Variants in AUNIP observed in about 807,000 individuals in gnomAD.
AUNIP encodes the protein aurora kinase A and ninein interacting protein, also known as aurora kinase A- and ninein-interacting protein.
A neutral mutation model predicts 12.2 loss-of-function variants in AUNIP; 16 were observed. That is an observed-to-expected ratio of 1.31 (90% CI 0.88 to 1.99). The LOEUF (loss-of-function observed/expected upper bound fraction) is 1.99. Ranked by LOEUF, AUNIP falls within the 30% of genes most tolerant of loss-of-function variation. The pLI is 0.00. For missense variants in AUNIP, 411 were observed against 419.1 expected (o/e 0.98, Z 0.17); for synonymous variants, 142 against 154.8 (o/e 0.92, Z 0.61).
intron 1 of AUNIP, among the ~76,000 whole-genome samples, chr1:25,850,494 C>A (rs1295255703): frequency 6.6e-6 from 1 of 152,168 alleles, no homozygotes; most frequent in Non-Finnish European, 1.5e-5. Context: ...ATAAGGACTG[C>A]ACTGATTCTG....
chr1:25,833,414 C>T (rs2048271345), downstream of AUNIP, among the ~76,000 whole-genome samples: 1 of 152,118 alleles, frequency 6.6e-6, no homozygotes, highest in East Asian at 1.9e-4. Context: ...CCGCACTAAG[C>T]CCCATACATT....
At position 25,859,301 on chromosome 1, in the gene AUNIP, C is replaced by T. The variant is rs539090784; in HGVS notation, c.57G>A (p.Ala19=). Residue 19 remains alanine (A), a synonymous_variant, in exon 1 of 3, where the codon GCG becomes GCA. Transcript: ENST00000374298. ...CCACCTGCACTTTCCGCCTCTTCAG[C>T]GCCGCCGCGTCCAGCCACACGCCGC... The part of the protein sequence containing the change: ...EACGVWLDAA[A]LKRRKVQTHL... 4 of 1,575,746 alleles carry T rather than the reference C, an allele frequency of 2.5e-6. No homozygotes were observed. Among genetic ancestry groups the T allele is most frequent in the East Asian group, 2.4e-5 (1 of 42,232 alleles).
At chr1:25,845,725 G>A (rs765294114) in intron 1 of AUNIP, among the ~76,000 whole-genome samples, 1 of 152,178 alleles carries the variant, frequency 6.6e-6, no homozygotes, top group African/African-American at 2.4e-5. Flanking sequence ...TAGGAAGGTA[G>A]ATATGCAGGA....
At chr1:25,852,790 T>C (rs1363808820) in intron 1 of AUNIP, among the ~76,000 whole-genome samples, 1 of 152,184 alleles carries the variant, frequency 6.6e-6, no homozygotes, top group Non-Finnish European at 1.5e-5. Flanking sequence ...CCTCTAAGCA[T>C]AGTGTTAGTT....
Position 25,834,932 on chromosome 1 carries a change from A to C in AUNIP, c.*61T>G. 1 of 1,546,692 alleles carries C rather than the reference A, an allele frequency of 6.5e-7. No homozygotes were observed. Among genetic ancestry groups the C allele is most frequent in the Non-Finnish European group, 8.7e-7 (1 of 1,150,036 alleles). ...CAAACTCACTCCTCTCTCCACCCACAACTATATTTTCCTACATCTCTATCA... is the reference window on the plus strand; with the variant it reads ...CAAACTCACTCCTCTCTCCACCCACCACTATATTTTCCTACATCTCTATCA... On this transcript the variant is annotated 3_prime_UTR_variant, in exon 3 of 3. Coordinates refer to ENST00000374298, the MANE Select transcript of AUNIP (RefSeq NM_024037.3).
In AUNIP at chr1:25,847,476, GCTGGT is replaced by G. The variant is rs1399128333; in HGVS notation, c.79-9927_79-9923del. On this transcript the variant is annotated intron_variant, in intron 1 of 2. Coordinates refer to ENST00000374298, the MANE Select transcript of AUNIP (RefSeq NM_024037.3). The surrounding 1 kb of genome is among the most constrained non-coding windows in gnomAD (Gnocchi z 4.2). ...GATGAGGTTTTACCATGTTGGCCAG[GCTGGT>G]CTTAAACTCCTGACCTCAAGTGATC... 6.6e-6 allele frequency among the ~76,000 whole-genome samples: 1 copy of G among 151,938 alleles called. No homozygotes were observed. The highest frequency in any genetic ancestry group is 1.5e-5 in the Non-Finnish European group (1 of 67,980).
At chr1:25,842,774 A>G (rs900035555) in intron 1 of AUNIP, among the ~76,000 whole-genome samples, 1 of 152,198 alleles carries the variant, frequency 6.6e-6, no homozygotes, top group African/African-American at 2.4e-5. Flanking sequence ...CCTGTGGTCT[A>G]TAAATGGAAC....
downstream of AUNIP, chr1:25,832,109 C>T (rs1391888370): frequency 3.7e-6 from 6 of 1,607,144 alleles, no homozygotes; most frequent in East Asian, 1.3e-4. Flanking sequence ...GTTTCTGCCT[C>T]TTAAGGATAG....
At chr1:25,833,781 A>G (rs940909062), downstream of AUNIP, among the ~76,000 whole-genome samples, 2 of 152,042 alleles carry the variant, frequency 1.3e-5, no homozygotes, top group African/African-American at 4.8e-5. Context: ...GTTAAAAAAA[A>G]AAAAAGAAGC....
chr1:25,834,905 A>AAC lies in AUNIP; in HGVS notation c.*86_*87dup, dbSNP rs2048286930. 3.9e-6 allele frequency: 6 copies of AAC among 1,526,466 alleles called. No homozygotes were observed. The highest frequency in any genetic ancestry group is 4.4e-6 in the Non-Finnish European group (5 of 1,142,668). 94.6% of individuals were successfully genotyped at this position (1,526,466 alleles called of 1,614,324 possible). A position where few individuals can be genotyped will look rare whatever the true frequency, so the allele number is the denominator to read the frequency against. ...TCATCCCATGCCACCTTCCCACCTA[A>AAC]ACAAACTCACTCCTCTCTCCACCCA... On this transcript the variant is annotated 3_prime_UTR_variant, in exon 3 of 3. Coordinates refer to ENST00000374298, the MANE Select transcript of AUNIP (RefSeq NM_024037.3).
At chr1:25,850,277 A>G (rs1053172843) in intron 1 of AUNIP, among the ~76,000 whole-genome samples, 1 of 152,162 alleles carries the variant, frequency 6.6e-6, no homozygotes, top group Non-Finnish European at 1.5e-5. Context: ...TGGACTTTCA[A>G]TTCCTTTGAT....
chr1:25,835,794 C>A lies in AUNIP; in HGVS notation c.273G>T (p.Gln91His). The A allele has an allele frequency of 6.2e-7, 1 of 1,614,208 alleles. No individual in the cohort carries two copies. The highest frequency in any genetic ancestry group is 2.2e-5 in the East Asian group (1 of 44,888). ...CATTTTTCTTGGACTCTTTGTTGAT[C>A]TGACTTTCTGTATGAGATGAAACAC... ...QKSVSSHTES[Q>H]INKESKKNAT... The change falls in exon 3 of 3, where the codon CAG becomes CAT. Residue 91 changes from glutamine (Q) to histidine (H), a missense_variant. Transcript: ENST00000374298.
At position 25,835,720 on chromosome 1, in the gene AUNIP, G is replaced by A. The variant is rs867761704; in HGVS notation, c.347C>T (p.Ala116Val). Residue 116 changes from alanine (A) to valine (V), a missense_variant, in exon 3 of 3, where the codon GCA becomes GTA. Physicochemically the swap from Ala to Val is moderately conservative, Grantham distance 64. Transcript: ENST00000374298. ...AGTGGTTGAAGTGGCTAAAGGGGAT[G>A]CCATGCAATCGTGTGCTAAGCCTGG... ...LIPGLAHDCM[A>V]SPLATSTTAD... 4 of 1,614,112 alleles carry A rather than the reference G, an allele frequency of 2.5e-6. No individual in the cohort carries two copies. Among genetic ancestry groups the A allele is most frequent in the Middle Eastern group, 1.6e-4 (1 of 6,084 alleles).
intron 2 of AUNIP, 45 bp downstream of exon 2, chr1:25,837,368 T>G (rs746597952): frequency 6.3e-7 from 1 of 1,580,256 alleles, no homozygotes; most frequent in African/African-American, 1.4e-5. Flanking sequence ...AACACACTCC[T>G]TTTTTGCTCT....
intron 1 of AUNIP, among the ~76,000 whole-genome samples, chr1:25,843,344 C>T (rs1196959823): frequency 6.6e-6 from 1 of 151,184 alleles, no homozygotes; most frequent in East Asian, 1.9e-4. Flanking sequence ...CTATGTCTTA[C>T]TATTTAAGAA....
intron 1 of AUNIP, among the ~76,000 whole-genome samples, chr1:25,855,197 C>T (rs2048452440): frequency 6.6e-6 from 1 of 152,022 alleles, no homozygotes; most frequent in African/African-American, 2.4e-5. Context: ...ACACTATAAC[C>T]TACCACATTC....
chr1:25,859,263 A>AT lies in AUNIP; in HGVS notation c.78+16dup, dbSNP rs987187202. ...CCTACCTGGTTCCCAACGCCCTCTC[A>AT]TCCCCCAGCGTCCCACCTGCACTTT... On this transcript the variant is annotated intron_variant, in intron 1 of 2. Transcript: ENST00000374298. The AT allele has an allele frequency of 3.2e-6, 5 of 1,565,932 alleles. No homozygotes were observed. In the African/African-American group the frequency reaches 6.8e-5, roughly 21 times the overall value.
chr1:25,835,337 G>A lies in AUNIP; in HGVS notation c.730C>T (p.Pro244Ser), dbSNP rs757968942. The part of the protein sequence containing the change: ...KVSAKENRQA[P>S]VLLQTYRESW... Reference sequence around the variant, plus strand: ...TCCCTGTATGTTTGAAGGAGGACAGGGGCCTGCCTGTTTTCTTTGGCAGAC... The same window carrying A: ...TCCCTGTATGTTTGAAGGAGGACAGAGGCCTGCCTGTTTTCTTTGGCAGAC... Residue 244 changes from proline (P) to serine (S), a missense_variant, in exon 3 of 3, where the codon CCT becomes TCT. By Grantham distance (74) the Pro-to-Ser change is moderately conservative. Coordinates refer to ENST00000374298, the MANE Select transcript of AUNIP (RefSeq NM_024037.3). 2.9e-5 allele frequency: 46 copies of A among 1,614,032 alleles called. No individual in the cohort carries two copies. In the Admixed American group the frequency reaches 3.7e-4, roughly 13 times the overall value.
In AUNIP at chr1:25,847,040, A is replaced by T. The variant is rs1303466619; in HGVS notation, c.79-9486T>A. 6.6e-6 allele frequency among the ~76,000 whole-genome samples: 1 copy of T among 152,238 alleles called. No individual in the cohort carries two copies. Among genetic ancestry groups the T allele is most frequent in the African/African-American group, 2.4e-5 (1 of 41,468 alleles). On this transcript the variant is annotated intron_variant, in intron 1 of 2. Coordinates refer to ENST00000374298, the MANE Select transcript of AUNIP (RefSeq NM_024037.3). The surrounding 1 kb of genome is among the most constrained non-coding windows in gnomAD (Gnocchi z 4.2). ...AACTTCAACAGAAGTATTGTAGTATATGGATACAATCAGCAGCTATATACC... is the reference window on the plus strand; with the variant it reads ...AACTTCAACAGAAGTATTGTAGTATTTGGATACAATCAGCAGCTATATACC...
Sources: gnomAD v4.1 joint callset for allele counts (sites outside exome capture counted in the v4.1 genomes callset) on GRCh38, gnomAD v4.1.1 for gene constraint, Gnocchi (gnomAD v3.1) non-coding constraint, MANE v1.5 for transcripts, NCBI Gene and HGNC (gene_info 2026-07-23, HGNC 2026-07-21) for gene names.